Variants in PKNOX2 observed in about 807,000 individuals in gnomAD.
PKNOX2 encodes the protein PBX/knotted 1 homeobox 2, also known as homeobox protein PKNOX2.
A neutral mutation model predicts 53.1 loss-of-function variants in PKNOX2; 14 were observed. The ratio of observed to expected loss-of-function variants is 0.26; its 90% CI spans 0.17 to 0.41. The LOEUF (loss-of-function observed/expected upper bound fraction) is 0.41. Ranked by LOEUF, PKNOX2 falls within the 10% of genes least tolerant of loss-of-function variation. The pLI is 1.00. For missense variants in PKNOX2, 496 were observed against 602.8 expected (o/e 0.82, Z 1.85); for synonymous variants, 257 against 242.8 (o/e 1.06, Z -0.54).
chr11:125,168,321 T>A (rs1314247091), intron 1 of PKNOX2, among the ~76,000 whole-genome samples: 4 of 152,242 alleles, frequency 2.6e-5, no homozygotes, highest in African/African-American at 9.6e-5. Context: ...AGGCTGTGGC[T>A]TTGACCGCAT....
intron 1 of PKNOX2, among the ~76,000 whole-genome samples, chr11:125,209,584 C>T (rs889178578): frequency 6.6e-6 from 1 of 151,848 alleles, no homozygotes; most frequent in Admixed American, 6.6e-5. Context: ...ACTCAGAAGG[C>T]ACAGAACCAA....
At chr11:125,221,779 C>A (rs1941177024) in intron 1 of PKNOX2, among the ~76,000 whole-genome samples, 1 of 152,050 alleles carries the variant, frequency 6.6e-6, no homozygotes, top group Non-Finnish European at 1.5e-5. Context: ...TATTAACCTG[C>A]ATTCTTCAGG....
intron 10 of PKNOX2, among the ~76,000 whole-genome samples, chr11:125,413,318 T>C (rs1340285757): frequency 2.6e-5 from 4 of 152,162 alleles, no homozygotes; most frequent in Non-Finnish European, 5.9e-5. Context: ...GCAGCTCTGA[T>C]TCAGTGGCTG....
At chr11:125,237,262 C>G (rs1193751209) in intron 2 of PKNOX2, among the ~76,000 whole-genome samples, 1 of 152,198 alleles carries the variant, frequency 6.6e-6, no homozygotes, top group African/African-American at 2.4e-5. Flanking sequence ...CAAGTGGAAG[C>G]TGTGTTGCCT....
intron 2 of PKNOX2, among the ~76,000 whole-genome samples, chr11:125,323,855 TTG>T (rs57415781): frequency 1.2e-3 from 175 of 149,420 alleles, no homozygotes; most frequent in Non-Finnish European, 1.9e-3. Context: ...GTTTCTGGGG[TTG>T]TGTGTGTGTG....
At chr11:125,253,938 A>G (rs551221714) in intron 2 of PKNOX2, among the ~76,000 whole-genome samples, 116 of 152,212 alleles carry the variant, frequency 7.6e-4, no homozygotes, top group Middle Eastern at 3.4e-3. Context: ...CTCTGGGGAA[A>G]TGTGGGGGTT....
At chr11:125,324,888 G>A (rs73621081) in intron 2 of PKNOX2, among the ~76,000 whole-genome samples, 3,295 of 152,168 alleles carry the variant, frequency 0.022, 125 homozygotes, top group African/African-American at 0.073. Context: ...AGAGGCTGAG[G>A]GTCTGACCAC....
intron 1 of PKNOX2, among the ~76,000 whole-genome samples, chr11:125,170,480 C>T (rs1422056165): frequency 2.0e-5 from 3 of 152,148 alleles, no homozygotes; most frequent in East Asian, 3.9e-4. Flanking sequence ...CCAGGTTTTC[C>T]TCCCGTCCAG....
intron 3 of PKNOX2, among the ~76,000 whole-genome samples, chr11:125,336,794 A>C (rs1950455027): frequency 6.8e-6 from 1 of 147,236 alleles, no homozygotes. Flanking sequence ...AGTATACTAT[A>C]TAATATATGC....
At chr11:125,410,145 G>A (rs3824919) in intron 7 of PKNOX2, 51 bp from the exon 8 acceptor site, 325,255 of 1,602,586 alleles carry the variant, frequency 0.2, 40,798 homozygotes, top group East Asian at 0.6. Context: ...GGGGCTGTAG[G>A]GTCTAAGCTC....
At chr11:125,314,323 G>C (rs944765754) in intron 2 of PKNOX2, among the ~76,000 whole-genome samples, 8 of 151,944 alleles carry the variant, frequency 5.3e-5, no homozygotes, top group African/African-American at 1.9e-4. Context: ...ACCATGGCCA[G>C]TTTGGATCTG....
At chr11:125,299,813 T>C (rs1947911385) in intron 2 of PKNOX2, among the ~76,000 whole-genome samples, 1 of 152,184 alleles carries the variant, frequency 6.6e-6, no homozygotes, top group African/African-American at 2.4e-5. Context: ...TCTGCTTTCC[T>C]GAGCCTCGGT....
intron 2 of PKNOX2, among the ~76,000 whole-genome samples, chr11:125,298,771 G>T (rs1300323262): frequency 6.6e-6 from 1 of 152,174 alleles, no homozygotes; most frequent in Admixed American, 6.5e-5. Flanking sequence ...TCAGACTTTG[G>T]CTCGTGACCT....
rs551476030 is a variant in PKNOX2 at position 125,373,793 on chromosome 11, G to A, written c.227+5808G>A. On this transcript the variant is annotated intron_variant, in intron 5 of 12. Transcript: ENST00000298282. ...TGCAGGGACAGAGGGAAAGATAGGC[G>A]TAGAAAGTAGCTGTGACATAAACTT... is the stretch of plus-strand genomic sequence containing the variant. Among the ~76,000 whole-genome samples the A allele has an allele frequency of 4.6e-5, 7 of 152,318 alleles. No individual in the cohort carries two copies. In the East Asian group the frequency reaches 5.8e-4, roughly 13 times the overall value.
At chr11:125,241,040 G>C (rs905363744) in intron 2 of PKNOX2, among the ~76,000 whole-genome samples, 1 of 152,222 alleles carries the variant, frequency 6.6e-6, no homozygotes, top group Non-Finnish European at 1.5e-5. Flanking sequence ...ATGCGGCCAT[G>C]CCATCCCCAT....
At position 125,319,546 on chromosome 11, in the gene PKNOX2, G is replaced by T. The variant is rs189459159; in HGVS notation, c.-129-12273G>T. ...GTAATATTTTTAAGTGCTACCAGGT[G>T]CTGGGGTTTCAAGAGGAGCAAAACA... is the stretch of plus-strand genomic sequence containing the variant. On this transcript the variant is annotated intron_variant, in intron 2 of 12. Coordinates refer to ENST00000298282, the MANE Select transcript of PKNOX2 (RefSeq NM_001382323.2). Among the ~76,000 whole-genome samples the T allele has an allele frequency of 1.8e-4, 27 of 152,360 alleles. 1 individual carries two copies. Among genetic ancestry groups the T allele is most frequent in the Admixed American group, 1.3e-3 (20 of 15,314 alleles).
At chr11:125,406,349 G>A (rs368477044) in intron 7 of PKNOX2, among the ~76,000 whole-genome samples, 5 of 152,150 alleles carry the variant, frequency 3.3e-5, no homozygotes, top group South Asian at 2.1e-4. Context: ...CCTGGGACTC[G>A]ACCATTGCCC....
intron 6 of PKNOX2, among the ~76,000 whole-genome samples, chr11:125,388,671 G>C (rs1410243300): frequency 2.0e-5 from 3 of 151,604 alleles, no homozygotes; most frequent in Non-Finnish European, 4.4e-5. Context: ...AACAAGCCCC[G>C]CATTTGAACT....
chr11:125,253,197 C>T (rs1037282056), intron 2 of PKNOX2, among the ~76,000 whole-genome samples: 1 of 152,178 alleles, frequency 6.6e-6, no homozygotes, highest in Non-Finnish European at 1.5e-5. Flanking sequence ...CTTAATAAAA[C>T]TTTTTCACAT....
Sources: allele counts gnomAD v4.1 joint callset (sites outside exome capture counted in the v4.1 genomes callset), GRCh38; gene constraint gnomAD v4.1.1; transcripts MANE v1.5; gene names NCBI Gene and HGNC (gene_info 2026-07-23, HGNC 2026-07-21).